Variants in YBX2 observed in about 807,000 individuals in gnomAD.
The protein encoded by YBX2 is Y-box-binding protein 2.
YBX2 carries 5 observed loss-of-function variants against 44.4 expected under a neutral mutation model. The observed-to-expected ratio is 0.11, with a 90% confidence interval of 0.06 to 0.24. The LOEUF (loss-of-function observed/expected upper bound fraction) is 0.24, where lower values mean the gene tolerates loss of function less well. Ranked by LOEUF, YBX2 falls within the 10% of genes least tolerant of loss-of-function variation. The pLI, the probability that YBX2 is intolerant of heterozygous loss-of-function variation, is 1.00. For synonymous variants in YBX2, 188 were observed against 216.1 expected (o/e 0.87, Z 1.14); for missense variants, 417 against 526.9 (o/e 0.79, Z 2.04).
intron 7 of YBX2, among the ~76,000 whole-genome samples, chr17:7,289,325 T>G (rs2072479545): frequency 8.2e-6 from 1 of 121,490 alleles, no homozygotes; most frequent in Admixed American, 9.7e-5. Flanking sequence ...TGGGCAATCA[T>G]GGGCTTGATT....
Position 7,294,552 on chromosome 17 carries a change from C to T in YBX2, c.-52G>A, listed in dbSNP as rs778571127. On this transcript the variant is annotated 5_prime_UTR_variant, in exon 1 of 9. Coordinates refer to ENST00000007699, the MANE Select transcript of YBX2 (RefSeq NM_015982.4). This position sits in a 1 kb window ranked among gnomAD's most constrained non-coding sequence, Gnocchi z 4.6. ...CCGCCACCGCCCCGGCCCCTCCCCC[C>T]GGCTCGCGAACCCACCGCCCTGCTC... 101 of 1,399,830 alleles carry T rather than the reference C, an allele frequency of 7.2e-5. No individual in the cohort carries two copies. Among genetic ancestry groups the T allele is most frequent in the Non-Finnish European group, 8.9e-5 (96 of 1,075,008 alleles). 86.7% of individuals were successfully genotyped at this position (1,399,830 alleles called of 1,614,324 possible).
At chr17:7,290,688 G>A (rs1361181122) in intron 4 of YBX2, 153 bp from the exon 5 acceptor site, 2 of 927,442 alleles carry the variant, frequency 2.2e-6, no homozygotes, top group Non-Finnish European at 3.2e-6. Context: ...GCAGTGGAAT[G>A]TGCTTGCACC....
At chr17:7,290,859 G>C (rs1057185208) in intron 4 of YBX2, among the ~76,000 whole-genome samples, 1 of 152,144 alleles carries the variant, frequency 6.6e-6, no homozygotes, top group Non-Finnish European at 1.5e-5. Context: ...AACGGATGTC[G>C]AAGTGCTTGG....
At chr17:7,289,279 C>T (rs2143005427) in intron 7 of YBX2, among the ~76,000 whole-genome samples, 1 of 124,248 alleles carries the variant, frequency 8.0e-6, no homozygotes, top group South Asian at 2.8e-4. Context: ...CTCCAGGCAG[C>T]AAGTGGGGGA....
intron 2 of YBX2, 46 bp from the exon 3 acceptor site, chr17:7,292,105 C>T (rs1001076182): frequency 6.2e-7 from 1 of 1,611,848 alleles, no homozygotes; most frequent in Non-Finnish European, 8.5e-7. Context: ...CAACAAAGCC[C>T]TCAGCTCCTC....
At position 7,289,671 on chromosome 17, in the gene YBX2, C is replaced by T; in HGVS notation, c.903G>A (p.Glu301=). The change falls in exon 7 of 9, where the codon GAG becomes GAA. Residue 301 remains glutamate, a synonymous_variant. Coordinates refer to ENST00000007699, the MANE Select transcript of YBX2 (RefSeq NM_015982.4). ...QQPTTEGGDG[E]TKPSQGPADG... ...CAGCGGGACCTTGGCTGGGCTTGGT[C>T]TCACCATCCCCACCTTCTGTGGTAG... The T allele has an allele frequency of 1.9e-6, 3 of 1,614,092 alleles. No homozygotes were observed. The highest frequency in any genetic ancestry group is 8.5e-7 in the Non-Finnish European group (1 of 1,179,992).
Position 7,288,790 on chromosome 17 carries a change from A to G in YBX2, c.1093T>C (p.Ter365ArgextTer21). ...GTGTCCTCTGAGTTGAGTTGGAATC[A>G]CTCCAGGATGGTGGTGGTGGGGTCC... ...SGDPTTTILE[*>R] Residue 365 changes from the stop codon to arginine, a stop_lost, in exon 8 of 9, where the codon TGA becomes CGA. Transcript: ENST00000007699. 1.2e-6 allele frequency: 2 copies of G among 1,613,882 alleles called. No homozygotes were observed. Among genetic ancestry groups the G allele is most frequent in the Non-Finnish European group, 1.7e-6 (2 of 1,179,882 alleles).
rs771835249 is a variant in YBX2 at position 7,289,750 on chromosome 17, G to C, written c.849-25C>G. The stretch of plus-strand genomic sequence containing the variant: ...CCTAAGGCAAGGAACAAGGCTCTGA[G>C]GGGACCAGGGAATACTCCCTCCCCA... On this transcript the variant is annotated intron_variant, in intron 6 of 8. Transcript: ENST00000007699. 5.3e-5 allele frequency: 85 copies of C among 1,612,536 alleles called. No homozygotes were observed. The South Asian group carries it at 8.2e-4, about 16-fold the overall frequency.
intron 2 of YBX2, chr17:7,292,967 G>A (rs1041250983): frequency 3.8e-5 from 7 of 185,224 alleles, no homozygotes; most frequent in African/African-American, 1.4e-4. Context: ...TGAGGGGTGG[G>A]GCTGCCTACT....
chr17:7,294,475 C>G lies in YBX2; in HGVS notation c.26G>C (p.Gly9Ala). The G allele has an allele frequency of 1.4e-6, 2 of 1,472,246 alleles. No homozygotes were observed. Among genetic ancestry groups the G allele is most frequent in the African/African-American group, 1.5e-5 (1 of 68,082 alleles). 91.2% of individuals were successfully genotyped at this position (1,472,246 alleles called of 1,614,324 possible). A position where few individuals can be genotyped will look rare whatever the true frequency, so the allele number is the denominator to read the frequency against. The change falls in exon 1 of 9, where the codon GGG becomes GCG. Residue 9 changes from glycine (G) to alanine (A), a missense_variant. Physicochemically the swap from Gly to Ala is moderately conservative, Grantham distance 60. Coordinates refer to ENST00000007699, the MANE Select transcript of YBX2 (RefSeq NM_015982.4). This position sits in a 1 kb window ranked among gnomAD's most constrained non-coding sequence, Gnocchi z 4.6. ...CGTCGCCGCGGGGACCGCTGTAGCCCCCGCTGCCGCCTCCACCTCGCTCAT... is the reference window on the plus strand; with the variant it reads ...CGTCGCCGCGGGGACCGCTGTAGCCGCCGCTGCCGCCTCCACCTCGCTCAT... The part of the protein sequence containing the change: MSEVEAAA[G>A]ATAVPAATVP...
At position 7,290,254 on chromosome 17, in the gene YBX2, T is replaced by C. The variant is rs760585627; in HGVS notation, c.741A>G (p.Ile247Met). ...GPRPPNQQQP[I>M]EGTDRVEPKE... ...CCATATTCCAGCATCCCCTCACCTC[T>C]ATAGGCTGCTGCTGGTTGGGAGGCC... The change falls in exon 5 of 9, where the codon ATA becomes ATG. Residue 247 changes from isoleucine (I) to methionine (M), a missense_variant. Ile to Met is a conservative substitution (Grantham distance 10). Coordinates refer to ENST00000007699, the MANE Select transcript of YBX2 (RefSeq NM_015982.4). The C allele has an allele frequency of 6.0e-5, 97 of 1,612,508 alleles. No homozygotes were observed. Among genetic ancestry groups the C allele is most frequent in the Non-Finnish European group, 8.1e-5 (96 of 1,179,096 alleles).
rs373353478 is a variant in YBX2, at chr17:7,289,541, C to T, written c.1033G>A (p.Ala345Thr). ...TCTGAGGTCCTCACCTCAGGGGCTG[C>T]GGGCTGCCGGGGGCCAGGGGCCTGC... Reference protein sequence around the residue: ...PQQAPGPRQPAAPETSAPVNS... With the variant: ...PQQAPGPRQPTAPETSAPVNS... The change falls in exon 7 of 9, where the codon GCA becomes ACA. Residue 345 changes from alanine to threonine, a missense_variant. Ala to Thr is a moderately conservative substitution (Grantham distance 58). Transcript: ENST00000007699. The T allele has an allele frequency of 2.1e-5, 33 of 1,602,398 alleles. 1 individual carries two copies. Among genetic ancestry groups the T allele is most frequent in the East Asian group, 6.7e-5 (3 of 44,602 alleles).
intron 7 of YBX2, 50 bp from the exon 8 acceptor site, chr17:7,288,888 C>CA: frequency 6.2e-7 from 1 of 1,610,390 alleles, no homozygotes; most frequent in Non-Finnish European, 8.5e-7. Context: ...GTTTTTGAGA[C>CA]AGAGTCTCAC....
At chr17:7,293,896 C>A in intron 1 of YBX2, 1 of 516,532 alleles carries the variant, frequency 1.9e-6, no homozygotes, top group Non-Finnish European at 3.4e-6. Context: ...GCAAGGGTCC[C>A]CAGTGCACCT....
Position 7,291,462 on chromosome 17 carries a change from A to G in YBX2, c.370-280T>C, listed in dbSNP as rs750097163. On this transcript the variant is annotated intron_variant, in intron 3 of 8. Coordinates refer to ENST00000007699, the MANE Select transcript of YBX2 (RefSeq NM_015982.4). The surrounding 1 kb of genome is among the most constrained non-coding windows in gnomAD (Gnocchi z 5.8). ...GATTTCAGAAAGGGAGGCAAGAAAT[A>G]TGAACTCCAAAGCAAAAGGCAGGGA... 2.8e-5 allele frequency: 14 copies of G among 493,154 alleles called. No homozygotes were observed. The East Asian group carries it at 5.1e-4, about 18-fold the overall frequency. 30.5% of individuals were successfully genotyped at this position (493,154 alleles called of 1,614,324 possible).
intron 2 of YBX2, 99 bp downstream of exon 2, chr17:7,293,376 T>C: frequency 6.3e-7 from 1 of 1,582,086 alleles, no homozygotes; most frequent in Admixed American, 1.8e-5. Context: ...ATTGCAACCA[T>C]GTGCCTCCGC....
chr17:7,288,762 TG>T lies in YBX2; in HGVS notation c.*25del. 1 of 1,613,696 alleles carries T rather than the reference TG, an allele frequency of 6.2e-7. No homozygotes were observed. Among genetic ancestry groups the T allele is most frequent in the East Asian group, 2.2e-5 (1 of 44,876 alleles). ...CCAGCCACTCACCAGATGGCAGCTC[TG>T]GGTGTCCTCTGAGTTGAGTTGGAAT... On this transcript the variant is annotated 3_prime_UTR_variant, in exon 8 of 9. Coordinates refer to ENST00000007699, the MANE Select transcript of YBX2 (RefSeq NM_015982.4).
At position 7,291,803 on chromosome 17, in the gene YBX2, G is replaced by T; in HGVS notation, c.369+223C>A. ...TCCTGGAGTGTTAACAGGTCCCGGT[G>T]GGTAGTAAGCGTGCCATGCCCAGGG... On this transcript the variant is annotated intron_variant, in intron 3 of 8. Coordinates refer to ENST00000007699, the MANE Select transcript of YBX2 (RefSeq NM_015982.4). This position sits in a 1 kb window ranked among gnomAD's most constrained non-coding sequence, Gnocchi z 5.8. 1 of 594,318 alleles carries T rather than the reference G, an allele frequency of 1.7e-6. No homozygotes were observed. The highest frequency in any genetic ancestry group is 3.0e-6 in the Non-Finnish European group (1 of 330,496). The allele number at this position is 594,318 out of a possible 1,614,324, so 36.8% of individuals were successfully genotyped here.
At position 7,291,253 on chromosome 17, in the gene YBX2, AC is replaced by A. The variant is rs985089971; in HGVS notation, c.370-72del. 165 of 1,441,276 alleles carry A rather than the reference AC, an allele frequency of 1.1e-4. No homozygotes were observed. Among genetic ancestry groups the A allele is most frequent in the Non-Finnish European group, 2.4e-5 (25 of 1,026,544 alleles). The allele number at this position is 1,441,276 out of a possible 1,614,324, so 89.3% of individuals were successfully genotyped here. ...AGTCTCTGTCACCCCTGCTGGGGCC[AC>A]CACCCAATTTCATTCTTTCAACATT... On this transcript the variant is annotated intron_variant, in intron 3 of 8. Coordinates refer to ENST00000007699, the MANE Select transcript of YBX2 (RefSeq NM_015982.4). This position sits in a 1 kb window ranked among gnomAD's most constrained non-coding sequence, Gnocchi z 5.8.
Sources: gnomAD v4.1 joint callset for allele counts (sites outside exome capture counted in the v4.1 genomes callset) on GRCh38, gnomAD v4.1.1 for gene constraint, Gnocchi (gnomAD v3.1) non-coding constraint, MANE v1.5 for transcripts, NCBI Gene and HGNC (gene_info 2026-07-23, HGNC 2026-07-21) for gene names.